The following MGAM variants were observed in gnomAD, a reference collection of about 807,000 sequenced individuals.
MGAM encodes maltase-glucoamylase, also known as alpha-1,4-glucosidase.
MGAM carries 253 observed loss-of-function variants against 358.8 expected under a neutral mutation model. The ratio of observed to expected loss-of-function variants is 0.71; its 90% CI spans 0.64 to 0.78. MGAM has a LOEUF of 0.78. Among genes scored for constraint, MGAM ranks in the 30% least tolerant of loss-of-function variants. MGAM has a pLI of 0.00. For missense variants in MGAM, 3,080 were observed against 3,432.6 expected (o/e 0.90, Z 2.57); for synonymous variants, 1,105 against 1,227.1 (o/e 0.90, Z 2.08).
At position 142,084,764 on chromosome 7, in the gene MGAM, TCA is replaced by T. The variant is rs1221672993; in HGVS notation, c.6507+123_6507+124del. The T allele has an allele frequency of 9.0e-6, 12 of 1,333,470 alleles. 1 individual carries two copies. In the East Asian group the frequency reaches 2.9e-4, roughly 32 times the overall value. The allele number at this position is 1,333,470 out of a possible 1,614,324, so 82.6% of individuals were successfully genotyped here. On this transcript the variant is annotated intron_variant, in intron 54 of 70. Transcript: ENST00000475668. ...ACATAATGTTCTTTTTCAGACAATA[TCA>T]CAGTTAGCCTCACCCCAGCACAGTA...
intron 40 of MGAM, 89 bp downstream of exon 40, chr7:142,065,920 C>A (rs1333782777): frequency 1.4e-5 from 15 of 1,056,422 alleles, no homozygotes; most frequent in African/African-American, 1.2e-4. Context: ...TCTCTATTTC[C>A]TGGGATATCT....
chr7:142,103,900 A>G (rs1816638583), intron 70 of MGAM, among the ~76,000 whole-genome samples: 1 of 149,540 alleles, frequency 6.7e-6, no homozygotes, highest in Non-Finnish European at 1.5e-5. Flanking sequence ...TCTGTTGCCC[A>G]GGCTGGAGTG....
Position 142,027,743 on chromosome 7 carries a change from A to G in MGAM, c.1221+8A>G, listed in dbSNP as rs782728347. ...GCAGCACAGCTCCCTTATGTAAGCAAGGTTTTCAACAGTTCTCCAAAAGTA... is the reference window on the plus strand; with the variant it reads ...GCAGCACAGCTCCCTTATGTAAGCAGGGTTTTCAACAGTTCTCCAAAAGTA... On this transcript the variant is annotated splice_region_variant and intron_variant, in intron 10 of 70. Coordinates refer to ENST00000475668, the MANE Select transcript of MGAM (RefSeq NM_001365693.1). 13 of 1,590,892 alleles carry G rather than the reference A, an allele frequency of 8.2e-6. No homozygotes were observed. Among genetic ancestry groups the G allele is most frequent in the Non-Finnish European group, 1.0e-5 (12 of 1,168,524 alleles).
intron 10 of MGAM, 150 bp downstream of exon 10, chr7:142,027,885 T>C (rs1807120559): frequency 1.2e-6 from 1 of 860,200 alleles, no homozygotes; most frequent in South Asian, 3.5e-5. Context: ...AGACATTTTT[T>C]TTTTTGTTGG....
At chr7:142,039,904 G>GATT (rs1485222447) in intron 19 of MGAM, among the ~76,000 whole-genome samples, 1 of 152,116 alleles carries the variant, frequency 6.6e-6, no homozygotes, top group Non-Finnish European at 1.5e-5. Flanking sequence ...ATTATTTTAT[G>GATT]ATTATTATTA....
Position 142,092,589 on chromosome 7 carries a change from C to T in MGAM, c.7014C>T (p.Asn2338=), listed in dbSNP as rs1157742900. 1 of 1,543,508 alleles carries T rather than the reference C, an allele frequency of 6.5e-7. No homozygotes were observed. Among genetic ancestry groups the T allele is most frequent in the Non-Finnish European group, 8.9e-7 (1 of 1,125,810 alleles). Residue 2338 remains asparagine, a synonymous_variant, in exon 59 of 71, where the codon AAC becomes AAT. Coordinates refer to ENST00000475668, the MANE Select transcript of MGAM (RefSeq NM_001365693.1). Reference sequence around the variant, plus strand: ...CAGGCTGCAGGGATGCCTCTCTGAACCACCCTCCCTACATGCCGTGTAAGA... The same window carrying T: ...CAGGCTGCAGGGATGCCTCTCTGAATCACCCTCCCTACATGCCGTGTAAGA... The part of the protein sequence containing the change: ...VSPGCRDASL[N]HPPYMPYLES...
intron 44 of MGAM, 117 bp from the exon 45 acceptor site, chr7:142,073,968 A>G: frequency 1.3e-6 from 1 of 767,058 alleles, no homozygotes; most frequent in South Asian, 1.6e-5. Flanking sequence ...ACCTCAAGAA[A>G]CAGAACCATC....
At chr7:142,055,445 T>G (rs756263480) in intron 27 of MGAM, 113 bp from the exon 28 acceptor site, 30 of 1,309,840 alleles carry the variant, frequency 2.3e-5, no homozygotes, top group Middle Eastern at 2.2e-4. Flanking sequence ...TTGTTTGGGA[T>G]ATGAACAGCT....
rs1807269631 is a variant in MGAM at position 142,029,479 on chromosome 7, A to G, written c.1222-883A>G. Among the ~76,000 whole-genome samples the G allele has an allele frequency of 2.6e-5, 4 of 152,196 alleles. No individual in the cohort carries two copies. The South Asian group carries it at 8.3e-4, about 32-fold the overall frequency. On this transcript the variant is annotated intron_variant, in intron 10 of 70. Transcript: ENST00000475668. ...TAGAGGTCATCTCTTTTTTTATGCC[A>G]TTTTCCTTACTTATAGATAGACATT...
chr7:142,088,214 T>C (rs768758659), intron 57 of MGAM, among the ~76,000 whole-genome samples: 1 of 146,198 alleles, frequency 6.8e-6, no homozygotes, highest in Non-Finnish European at 1.5e-5. Context: ...AGTAGCACTA[T>C]TGATTTAAAA....
chr7:142,081,579 A>G (rs1814292197), intron 50 of MGAM, among the ~76,000 whole-genome samples: 1 of 146,052 alleles, frequency 6.8e-6, no homozygotes, highest in African/African-American at 2.4e-5. Context: ...GTGCTGGGAG[A>G]GGAAGCTGCA....
chr7:142,041,951 T>C (rs1429824823), intron 21 of MGAM, among the ~76,000 whole-genome samples: 3 of 11,440 alleles, frequency 2.6e-4, no homozygotes, highest in Non-Finnish European at 3.5e-4. Context: ...TATATATACA[T>C]ATATATAATA....
chr7:142,041,806 C>G (rs1213820732), intron 21 of MGAM, among the ~76,000 whole-genome samples: 1 of 140,796 alleles, frequency 7.1e-6, no homozygotes, highest in Non-Finnish European at 1.5e-5. Context: ...AGCAAGAAAT[C>G]TTTCCTTAAT....
At chr7:142,007,745 A>G (rs1464393155) in intron 2 of MGAM, among the ~76,000 whole-genome samples, 2 of 152,180 alleles carry the variant, frequency 1.3e-5, no homozygotes, top group Non-Finnish European at 2.9e-5. Flanking sequence ...CCCTTAGGTA[A>G]GTCCTAGCTG....
intron 1 of MGAM, among the ~76,000 whole-genome samples, chr7:141,998,028 T>C (rs565456534): frequency 1.3e-5 from 2 of 152,322 alleles, no homozygotes; most frequent in South Asian, 4.1e-4. Flanking sequence ...CATCAAACGC[T>C]GGCTATAATG....
rs1359191634 is a variant in MGAM, at chr7:142,027,145, C to G, written c.1013C>G (p.Thr338Ser). 6.2e-7 allele frequency: 1 copy of G among 1,613,610 alleles called. No individual in the cohort carries two copies. Among genetic ancestry groups the G allele is most frequent in the East Asian group, 2.2e-5 (1 of 44,892 alleles). ...EVVLQPAPAI[T>S]YRTIGGILDF... ...GTCCTTCAGCCTGCGCCAGCCATCACTTACCGCACCATTGGGGGCATTCTC... is the reference window on the plus strand; with the variant it reads ...GTCCTTCAGCCTGCGCCAGCCATCAGTTACCGCACCATTGGGGGCATTCTC... Residue 338 changes from threonine (T) to serine (S), a missense_variant, in exon 9 of 71, where the codon ACT becomes AGT. By Grantham distance (58) the Thr-to-Ser change is moderately conservative. This residue lies in a region of MGAM where 1,816 missense variants were observed against 1,840.5 expected (regional missense o/e 0.99). Transcript: ENST00000475668.
At chr7:142,049,053 G>A (rs10259159) in intron 22 of MGAM, among the ~76,000 whole-genome samples, 10,499 of 152,048 alleles carry the variant, frequency 0.069, 1,178 homozygotes, top group African/African-American at 0.24. Flanking sequence ...CAGTTATACT[G>A]TCTGCTTCTA....
Position 142,008,685 on chromosome 7 carries a change from C to T in MGAM, c.307C>T (p.Pro103Ser), listed in dbSNP as rs1554453368. 1 of 1,612,898 alleles carries T rather than the reference C, an allele frequency of 6.2e-7. No homozygotes were observed. Among genetic ancestry groups the T allele is most frequent in the Admixed American group, 1.7e-5 (1 of 59,834 alleles). Residue 103 changes from proline (P) to serine (S), a missense_variant, in exon 3 of 71, where the codon CCT becomes TCT. Transcript: ENST00000475668. ...VNELERINCI[P>S]DQPPTKATCD... ...TGAATTGGAACGAATTAATTGCATCCCTGACCAGCCGCCAACAAAGGTTTG... is the reference window on the plus strand; with the variant it reads ...TGAATTGGAACGAATTAATTGCATCTCTGACCAGCCGCCAACAAAGGTTTG...
At chr7:142,059,742 A>C in intron 32 of MGAM, 114 bp from the exon 33 acceptor site, 1 of 1,565,766 alleles carries the variant, frequency 6.4e-7, no homozygotes, top group Non-Finnish European at 8.7e-7. Flanking sequence ...ACTCACAGAA[A>C]CTCTACTGTG....
Sources: gnomAD v4.1 joint callset for allele counts (sites outside exome capture counted in the v4.1 genomes callset) on GRCh38, gnomAD v4.1.1 for gene constraint, gnomAD v4.1.1 regional missense constraint, MANE v1.5 for transcripts, NCBI Gene and HGNC (gene_info 2026-07-23, HGNC 2026-07-21) for gene names.